The following DAB2IP variants were observed in gnomAD, a reference collection of about 807,000 sequenced individuals.
DAB2IP encodes the protein DAB2 interacting protein, also known as disabled homolog 2-interacting protein.
In DAB2IP, 28 loss-of-function variants were observed where a neutral mutation model predicts 107.2. The ratio of observed to expected loss-of-function variants is 0.26; its 90% confidence interval spans 0.19 to 0.36. The LOEUF (loss-of-function observed/expected upper bound fraction) is 0.36, where lower values mean the gene tolerates loss of function less well. Among genes scored for constraint, DAB2IP ranks in the 10% least tolerant of loss-of-function variants. DAB2IP has a pLI of 1.00. For missense variants in DAB2IP, 1,400 were observed against 1,644.7 expected (o/e 0.85, Z 2.57); for synonymous variants, 755 against 706.4 (o/e 1.07, Z -1.09).
At chr9:121,624,068 A>G (rs1453404475) in intron 1 of DAB2IP, among the ~76,000 whole-genome samples, 1 of 152,090 alleles carries the variant, frequency 6.6e-6, no homozygotes, top group African/African-American at 2.4e-5. Context: ...CCTCAGCCCC[A>G]AGACTTGGAG....
chr9:121,655,861 G>A (rs896456822), intron 1 of DAB2IP, among the ~76,000 whole-genome samples: 3 of 151,998 alleles, frequency 2.0e-5, no homozygotes, highest in Admixed American at 6.5e-5. Flanking sequence ...GTCCTCCTCC[G>A]TGCCTGTACA....
intron 2 of DAB2IP, among the ~76,000 whole-genome samples, chr9:121,692,281 T>C (rs1400137676): frequency 6.6e-6 from 1 of 152,128 alleles, no homozygotes; most frequent in African/African-American, 2.4e-5. Context: ...ATGTGTGTAT[T>C]CGTGTGTGTG....
At chr9:121,679,446 A>ACACACACACACACC (rs1206773433) in intron 2 of DAB2IP, among the ~76,000 whole-genome samples, 3 of 151,454 alleles carry the variant, frequency 2.0e-5, no homozygotes, top group African/African-American at 7.3e-5. Flanking sequence ...ACACACACAC[A>ACACACACACACACC]CACACACCAG....
intron 14 of DAB2IP, among the ~76,000 whole-genome samples, chr9:121,780,202 C>G (rs940088925): frequency 6.6e-6 from 1 of 152,172 alleles, no homozygotes; most frequent in Non-Finnish European, 1.5e-5. Flanking sequence ...GTTTTTAAGA[C>G]AAGAGAGTAA....
At chr9:121,603,707 T>C (rs1185557953) in intron 1 of DAB2IP, among the ~76,000 whole-genome samples, 1 of 152,128 alleles carries the variant, frequency 6.6e-6, no homozygotes, top group Non-Finnish European at 1.5e-5. Context: ...GCAGGGCTGG[T>C]CATCTCTTAA....
chr9:121,616,563 T>C (rs373541191), intron 1 of DAB2IP, among the ~76,000 whole-genome samples: 18 of 152,288 alleles, frequency 1.2e-4, no homozygotes, highest in African/African-American at 4.3e-4. Context: ...AAAGAATGTA[T>C]TTTTTAGCTT....
chr9:121,749,393 A>C (rs1832948825), intron 3 of DAB2IP, among the ~76,000 whole-genome samples: 1 of 152,246 alleles, frequency 6.6e-6, no homozygotes, highest in Non-Finnish European at 1.5e-5. Flanking sequence ...TGACAGGCAG[A>C]AGCATGATTG....
intron 1 of DAB2IP, among the ~76,000 whole-genome samples, chr9:121,676,770 C>T (rs1313685347): frequency 6.6e-6 from 1 of 152,214 alleles, no homozygotes; most frequent in Non-Finnish European, 1.5e-5. Flanking sequence ...TCACCCAGGA[C>T]CTCCTCCAGG....
At position 121,651,642 on chromosome 9, in the gene DAB2IP, G is replaced by A. The variant is rs919646505; in HGVS notation, c.-134G>A. ...GGAGGAGGAGTTTGAGCGACTTTGT[G>A]GGGCAGCCAGGGCCTCGGCGGCCGC... On this transcript the variant is annotated 5_prime_UTR_variant, in exon 1 of 16. Coordinates refer to ENST00000408936, the Ensembl canonical transcript of DAB2IP. This position sits in a 1 kb window ranked among gnomAD's most constrained non-coding sequence, Gnocchi z 5.1. The A allele has an allele frequency of 3.7e-6, 4 of 1,066,930 alleles. No homozygotes were observed. Among genetic ancestry groups the A allele is most frequent in the Non-Finnish European group, 4.5e-6 (4 of 884,012 alleles). The allele number at this position is 1,066,930 out of a possible 1,614,324, so 66.1% of individuals were successfully genotyped here.
intron 1 of DAB2IP, among the ~76,000 whole-genome samples, chr9:121,673,071 T>G (rs565460419): frequency 8.5e-5 from 13 of 152,254 alleles, no homozygotes; most frequent in African/African-American, 2.2e-4. Flanking sequence ...GTGTGTGTGT[T>G]TTTACTTGGT....
intron 1 of DAB2IP, among the ~76,000 whole-genome samples, chr9:121,575,625 A>G (rs931276496): frequency 6.6e-6 from 1 of 152,056 alleles, no homozygotes; most frequent in Non-Finnish European, 1.5e-5. Flanking sequence ...CCTTATTCCA[A>G]AGAGGCAGGT....
chr9:121,607,993 C>T lies in DAB2IP; in HGVS notation c.40+40765C>T, dbSNP rs138685253. On this transcript the variant is annotated intron_variant, in intron 1 of 16. Transcript: ENST00000259371. The stretch of plus-strand genomic sequence containing the variant: ...TCAGAGCCTTTCCCGGCAGAGGGAA[C>T]GCAATCAAAGCTGGCGCTGCTTCCG... Among the ~76,000 whole-genome samples the T allele has an allele frequency of 1.7e-3, 258 of 152,348 alleles. 1 individual carries two copies. The highest frequency in any genetic ancestry group is 5.7e-3 in the African/African-American group (239 of 41,582).
chr9:121,583,071 C>T (rs1355825076), intron 1 of DAB2IP, among the ~76,000 whole-genome samples: 1 of 152,214 alleles, frequency 6.6e-6, no homozygotes, highest in Non-Finnish European at 1.5e-5. Context: ...GAAAACAGAA[C>T]AAAACAAAAC....
At chr9:121,784,229 C>T (rs1040661220) in exon 16 of DAB2IP, 1 of 154,232 alleles carries the variant, frequency 6.5e-6, no homozygotes, top group African/African-American at 2.4e-5. Flanking sequence ...GCCCTGCCCC[C>T]ACCCCTTCCT....
chr9:121,607,196 A>G (rs989737308), intron 1 of DAB2IP, among the ~76,000 whole-genome samples: 3 of 152,192 alleles, frequency 2.0e-5, no homozygotes, highest in African/African-American at 7.2e-5. Flanking sequence ...GATACCTAGT[A>G]AAGACTCATC....
chr9:121,639,234 A>T (rs1415451862), intron 1 of DAB2IP, among the ~76,000 whole-genome samples: 4 of 152,204 alleles, frequency 2.6e-5, no homozygotes, highest in Non-Finnish European at 5.9e-5. Context: ...GTATGCACTG[A>T]GTGGCCTTGG....
chr9:121,732,438 C>T (rs963877857), intron 3 of DAB2IP, among the ~76,000 whole-genome samples: 6 of 152,054 alleles, frequency 3.9e-5, no homozygotes, highest in Middle Eastern at 3.4e-3. Flanking sequence ...GCCTGGCAGG[C>T]GGAGGTGATG....
chr9:121,779,117 A>G (rs943749241), intron 14 of DAB2IP, among the ~76,000 whole-genome samples: 2 of 151,886 alleles, frequency 1.3e-5, no homozygotes, highest in African/African-American at 2.4e-5. Flanking sequence ...TTCTATGACT[A>G]TGTCTTCAAG....
At chr9:121,664,173 T>C (rs1287183933) in intron 1 of DAB2IP, among the ~76,000 whole-genome samples, 1 of 152,258 alleles carries the variant, frequency 6.6e-6, no homozygotes, top group Non-Finnish European at 1.5e-5. Context: ...ACCTCGGCAC[T>C]GTTTTTGAAA....
Sources: allele counts gnomAD v4.1 joint callset (sites outside exome capture counted in the v4.1 genomes callset), GRCh38; gene constraint gnomAD v4.1.1; non-coding constraint Gnocchi (gnomAD v3.1); transcripts MANE v1.5; gene names NCBI Gene and HGNC (gene_info 2026-07-23, HGNC 2026-07-21).